The following NR3C1 variants were observed in gnomAD, a reference collection of about 807,000 sequenced individuals.
NR3C1 encodes the protein nuclear receptor subfamily 3 group C member 1.
Under a neutral mutation model 74.0 loss-of-function variants are expected in NR3C1, and 14 were observed. That is an observed-to-expected ratio of 0.19 (90% CI 0.12 to 0.30). The LOEUF (loss-of-function observed/expected upper bound fraction) is 0.30. NR3C1 is among the 10% of genes least tolerant of loss of function. The pLI is 1.00. For synonymous variants in NR3C1, 308 were observed against 332.5 expected (o/e 0.93, Z 0.80); for missense variants, 695 against 909.8 (o/e 0.76, Z 3.04).
intron 7 of NR3C1, among the ~76,000 whole-genome samples, chr5:143,283,208 T>C (rs1190353433): frequency 6.6e-6 from 1 of 152,216 alleles, no homozygotes; most frequent in Non-Finnish European, 1.5e-5. Flanking sequence ...ACATGCAAGA[T>C]GGGCATTTAA....
intron 1 of NR3C1, among the ~76,000 whole-genome samples, chr5:143,430,702 T>A (rs1326348828): frequency 6.6e-6 from 1 of 152,188 alleles, no homozygotes; most frequent in East Asian, 1.9e-4. Context: ...AGACACTGGA[T>A]CTGTCAGTGC....
At chr5:143,366,128 A>C (rs1407416195) in intron 2 of NR3C1, among the ~76,000 whole-genome samples, 1 of 152,222 alleles carries the variant, frequency 6.6e-6, no homozygotes, top group African/African-American at 2.4e-5. Flanking sequence ...CTAAGTCCAA[A>C]GCAAGCATAA....
chr5:143,292,184 C>T (rs1816083983), intron 7 of NR3C1, among the ~76,000 whole-genome samples: 2 of 151,978 alleles, frequency 1.3e-5, no homozygotes, highest in Admixed American at 1.3e-4. Flanking sequence ...TTTTTATTTA[C>T]TTTTTCTTCT....
intron 2 of NR3C1, among the ~76,000 whole-genome samples, chr5:143,369,394 G>A (rs754116624): frequency 6.6e-6 from 1 of 152,142 alleles, no homozygotes; most frequent in East Asian, 1.9e-4. Flanking sequence ...ACTTGTATAT[G>A]AATGTTCTTA....
intron 1 of NR3C1, among the ~76,000 whole-genome samples, chr5:143,411,808 T>A (rs958026599): frequency 6.6e-6 from 1 of 152,152 alleles, no homozygotes; most frequent in Admixed American, 6.5e-5. Context: ...TCTAATTTAC[T>A]ATTTGAAAAG....
At chr5:143,321,681 G>A (rs1442743538) in intron 2 of NR3C1, among the ~76,000 whole-genome samples, 1 of 152,146 alleles carries the variant, frequency 6.6e-6, no homozygotes, top group Non-Finnish European at 1.5e-5. Context: ...CATAATCCAT[G>A]TAGTTTCTTT....
In NR3C1 at chr5:143,314,258, G is replaced by A; in HGVS notation, c.1185-90C>T. ...TAGCTTCTCACTTCATAGTCAGAATGCTCACAGTGAACTCTGGCTTCAAGT... is the reference window on the plus strand; with the variant it reads ...TAGCTTCTCACTTCATAGTCAGAATACTCACAGTGAACTCTGGCTTCAAGT... On this transcript the variant is annotated intron_variant, in intron 2 of 8. Transcript: ENST00000394464. The A allele has an allele frequency of 6.6e-6, 9 of 1,368,266 alleles. No individual in the cohort carries two copies. The South Asian group carries it at 9.9e-5, about 15-fold the overall frequency. The allele number at this position is 1,368,266 out of a possible 1,614,324, so 84.8% of individuals were successfully genotyped here. A position where few individuals can be genotyped will look rare whatever the true frequency, so the allele number is the denominator to read the frequency against.
chr5:143,307,807 G>C (rs373738643), intron 4 of NR3C1, among the ~76,000 whole-genome samples: 2 of 152,184 alleles, frequency 1.3e-5, no homozygotes, highest in East Asian at 3.8e-4. Flanking sequence ...AGATGAAACT[G>C]GGTAAAATCT....
In NR3C1 at chr5:143,291,732, C is replaced by G. The variant is rs148101150; in HGVS notation, c.2023+3728G>C. Among the ~76,000 whole-genome samples the G allele has an allele frequency of 2.7e-3, 417 of 152,302 alleles. 2 individuals carry two copies. The highest frequency in any genetic ancestry group is 5.5e-3 in the Admixed American group (84 of 15,292). On this transcript the variant is annotated intron_variant, in intron 7 of 8. Coordinates refer to ENST00000394464, the MANE Select transcript of NR3C1 (RefSeq NM_000176.3). ...CTATCTATCTTCAAGCTCACTGACTCTTTGCTTGGCTGTGCTCAGTCTACT... is the reference window on the plus strand; with the variant it reads ...CTATCTATCTTCAAGCTCACTGACTGTTTGCTTGGCTGTGCTCAGTCTACT...
chr5:143,432,828 G>T (rs1246855894), intron 1 of NR3C1, among the ~76,000 whole-genome samples: 2 of 151,984 alleles, frequency 1.3e-5, no homozygotes, highest in African/African-American at 2.4e-5. Context: ...ATCTTTAGAG[G>T]CTCCTCCCAC....
At chr5:143,384,488 GT>G (rs1836816487) in intron 2 of NR3C1, among the ~76,000 whole-genome samples, 1 of 152,166 alleles carries the variant, frequency 6.6e-6, no homozygotes, top group Non-Finnish European at 1.5e-5. Flanking sequence ...TCAAAAACTA[GT>G]TACTTCCAAG....
intron 2 of NR3C1, among the ~76,000 whole-genome samples, chr5:143,353,877 C>A (rs926366699): frequency 2.0e-5 from 3 of 152,154 alleles, no homozygotes; most frequent in Admixed American, 6.5e-5. Context: ...TCCTCTGAAG[C>A]CAGACATTGA....
At position 143,332,527 on chromosome 5, in the gene NR3C1, A is replaced by T. The variant is rs545181951; in HGVS notation, c.1185-18359T>A. Reference sequence around the variant, plus strand: ...ACATGTTTACCTATGTAACCTGCACATCCTGCACATGTACCCTGGAACTTA... The same window carrying T: ...ACATGTTTACCTATGTAACCTGCACTTCCTGCACATGTACCCTGGAACTTA... On this transcript the variant is annotated intron_variant, in intron 2 of 8. Coordinates refer to ENST00000394464, the MANE Select transcript of NR3C1 (RefSeq NM_000176.3). The T allele has an allele frequency of 9.2e-6, 6 of 653,670 alleles. No individual in the cohort carries two copies. The South Asian group carries it at 1.3e-4, about 14-fold the overall frequency. The allele number at this position is 653,670 out of a possible 1,614,324, so 40.5% of individuals were successfully genotyped here. A position where few individuals can be genotyped will look rare whatever the true frequency, so the allele number is the denominator to read the frequency against.
At chr5:143,381,547 T>C (rs1836242372) in intron 2 of NR3C1, among the ~76,000 whole-genome samples, 1 of 152,136 alleles carries the variant, frequency 6.6e-6, no homozygotes, top group Non-Finnish European at 1.5e-5. Flanking sequence ...CAAATTATGC[T>C]ACAAAACTAT....
intron 1 of NR3C1, among the ~76,000 whole-genome samples, chr5:143,428,915 A>C (rs774996807): frequency 5.3e-5 from 8 of 152,176 alleles, no homozygotes; most frequent in Non-Finnish European, 1.2e-4. Context: ...TTTAGGGCAC[A>C]CATTTTGAAA....
intron 2 of NR3C1, among the ~76,000 whole-genome samples, chr5:143,342,138 A>C (rs1162854633): frequency 6.6e-6 from 1 of 152,282 alleles, no homozygotes; most frequent in South Asian, 2.1e-4. Flanking sequence ...GAAAAAAAAA[A>C]ACCAAGAAAC....
rs1043848900 is a variant in NR3C1, at chr5:143,295,338, G to T, written c.2023+122C>A. Reference sequence around the variant, plus strand: ...TATTTTACATTCATAAAAATCATCTGACTAGTAGGAAATAATAGTAGACTT... The same window carrying T: ...TATTTTACATTCATAAAAATCATCTTACTAGTAGGAAATAATAGTAGACTT... On this transcript the variant is annotated intron_variant, in intron 7 of 8. Transcript: ENST00000394464. The T allele has an allele frequency of 1.0e-5, 15 of 1,440,348 alleles. No individual in the cohort carries two copies. The Admixed American group carries it at 1.7e-4, about 16-fold the overall frequency. 89.2% of individuals were successfully genotyped at this position (1,440,348 alleles called of 1,614,324 possible). A position where few individuals can be genotyped will look rare whatever the true frequency, so the allele number is the denominator to read the frequency against.
intron 2 of NR3C1, among the ~76,000 whole-genome samples, chr5:143,381,962 C>A (rs1837262): frequency 0.72 from 108,970 of 152,058 alleles, 39,290 homozygotes; most frequent in East Asian, 0.93. Flanking sequence ...TGCACAGCAA[C>A]GGAAACAACA....
chr5:143,382,301 A>G (rs539345125), intron 2 of NR3C1, among the ~76,000 whole-genome samples: 1 of 152,326 alleles, frequency 6.6e-6, no homozygotes, highest in Non-Finnish European at 1.5e-5. Flanking sequence ...TATGCCTACT[A>G]TATACCCATA....
Sources: gnomAD v4.1 joint callset for allele counts (sites outside exome capture counted in the v4.1 genomes callset) on GRCh38, gnomAD v4.1.1 for gene constraint, MANE v1.5 for transcripts, NCBI Gene and HGNC (gene_info 2026-07-23, HGNC 2026-07-21) for gene names.